AMHR2: variants seen among roughly 807,000 people sequenced by gnomAD.
The protein encoded by AMHR2 is anti-Muellerian hormone type-2 receptor.
Under a neutral mutation model 61.4 loss-of-function variants are expected in AMHR2, and 36 were observed. That is an observed-to-expected ratio of 0.59 (90% confidence interval 0.45 to 0.77). The LOEUF is 0.77. AMHR2 is among the 30% of genes least tolerant of loss of function. The pLI is 0.00. For synonymous variants in AMHR2, 258 were observed against 279.4 expected (o/e 0.92, Z 0.76); for missense variants, 638 against 714.6 (o/e 0.89, Z 1.22).
intron 7 of AMHR2, 44 bp downstream of exon 7, chr12:53,429,054 T>C (rs1011076117): frequency 3.4e-6 from 5 of 1,474,306 alleles, no homozygotes; most frequent in Non-Finnish European, 3.7e-6. Flanking sequence ...CACAGTGCTA[T>C]GTTTGTGATT....
Position 53,431,594 on chromosome 12 carries a change from TC to T in AMHR2, c.*123del. 1 of 1,290,212 alleles carries T rather than the reference TC, an allele frequency of 7.8e-7. No homozygotes were observed. The highest frequency in any genetic ancestry group is 1.1e-6 in the Non-Finnish European group (1 of 907,226). The allele number at this position is 1,290,212 out of a possible 1,614,324, so 79.9% of individuals were successfully genotyped here. The stretch of plus-strand genomic sequence containing the variant: ...GAATCCTTGGATTCTTCTGCGGGCA[TC>T]CAGTCCACATCAGTTCTGACCAGTG... On this transcript the variant is annotated 3_prime_UTR_variant, in exon 11 of 11. Coordinates refer to ENST00000257863, the MANE Select transcript of AMHR2 (RefSeq NM_020547.3).
Position 53,424,886 on chromosome 12 carries a change from C to A in AMHR2, c.410C>A (p.Pro137His), listed in dbSNP as rs929791810. 2.5e-6 allele frequency: 4 copies of A among 1,611,342 alleles called. No homozygotes were observed. Among genetic ancestry groups the A allele is most frequent in the Non-Finnish European group, 3.4e-6 (4 of 1,179,904 alleles). ...CCTGGGACTCCTGGCTCCCAGGGTC[C>A]CCAGGCTGCCCCAGGTAGCCACCCA... is the stretch of plus-strand genomic sequence containing the variant. Reference protein sequence around the residue: ...GSPGTPGSQGPQAAPGESIWM... With the variant: ...GSPGTPGSQGHQAAPGESIWM... The change falls in exon 3 of 11, where the codon CCC becomes CAC. Residue 137 changes from proline (P) to histidine (H), a missense_variant. Coordinates refer to ENST00000257863, the MANE Select transcript of AMHR2 (RefSeq NM_020547.3).
intron 7 of AMHR2, 77 bp downstream of exon 7, chr12:53,429,087 G>A (rs1939873057): frequency 7.4e-7 from 1 of 1,348,002 alleles, no homozygotes; most frequent in Non-Finnish European, 1.0e-6. Flanking sequence ...GGAGGGGAAA[G>A]ATTGGGTCAA....
chr12:53,426,949 C>T (rs1939651706), intron 6 of AMHR2, among the ~76,000 whole-genome samples: 1 of 133,752 alleles, frequency 7.5e-6, no homozygotes, highest in South Asian at 2.3e-4. Flanking sequence ...CCCCAAAGTG[C>T]TGGGATTACA....
At chr12:53,430,994 C>CTCCCT in intron 10 of AMHR2, 183 bp from the exon 11 acceptor site, 1 of 739,664 alleles carries the variant, frequency 1.4e-6, no homozygotes, top group Non-Finnish European at 2.3e-6. Context: ...CCCAGAGAGC[C>CTCCCT]TGTTTCATAG....
Position 53,424,402 on chromosome 12 carries a change from G to C in AMHR2, c.164G>C (p.Cys55Ser). The C allele has an allele frequency of 6.2e-7, 1 of 1,613,616 alleles. No homozygotes were observed. The highest frequency in any genetic ancestry group is 8.5e-7 in the Non-Finnish European group (1 of 1,179,914). ...ACAGAGCTCCCCAGAGCTATCCGCTGCCTCTACAGCCGCTGCTGCTTTGGG... is the reference window on the plus strand; with the variant it reads ...ACAGAGCTCCCCAGAGCTATCCGCTCCCTCTACAGCCGCTGCTGCTTTGGG... ...TGTELPRAIR[C>S]LYSRCCFGIW... The change falls in exon 2 of 11, where the codon TGC becomes TCC. Residue 55 changes from cysteine (C) to serine (S), a missense_variant. Transcript: ENST00000257863.
intron 6 of AMHR2, among the ~76,000 whole-genome samples, chr12:53,428,516 T>G (rs557476464): frequency 2.6e-5 from 4 of 152,276 alleles, no homozygotes; most frequent in Admixed American, 1.3e-4. Context: ...GTCAGACTGC[T>G]TGGATTCAAG....
At chr12:53,427,335 C>A (rs1441635283) in intron 6 of AMHR2, among the ~76,000 whole-genome samples, 1 of 152,210 alleles carries the variant, frequency 6.6e-6, no homozygotes, top group Non-Finnish European at 1.5e-5. Context: ...ATATTTGGGG[C>A]TTTTTAAGTT....
At chr12:53,430,954 C>T (rs1243165011) in intron 10 of AMHR2, 3 of 608,196 alleles carry the variant, frequency 4.9e-6, no homozygotes, top group African/African-American at 3.7e-5. Context: ...ATTAGCTCCT[C>T]AGAGGAAACA....
intron 3 of AMHR2, 53 bp downstream of exon 3, chr12:53,424,953 T>C: frequency 6.3e-7 from 1 of 1,583,076 alleles, no homozygotes; most frequent in Non-Finnish European, 8.6e-7. Flanking sequence ...CAGGTTAGGA[T>C]GAGAGGTGGA....
chr12:53,429,783 A>T (rs750823856), intron 8 of AMHR2, 48 bp from the exon 9 acceptor site: 3 of 1,613,482 alleles, frequency 1.9e-6, no homozygotes, highest in Non-Finnish European at 2.5e-6. Context: ...TGCTGCAATG[A>T]GGATTGCCAC....
rs765319264 is a variant in AMHR2 at position 53,425,157 on chromosome 12, A to C, written c.425-8A>C. 2 of 1,613,724 alleles carry C rather than the reference A, an allele frequency of 1.2e-6. No individual in the cohort carries two copies. The highest frequency in any genetic ancestry group is 3.3e-5 in the Admixed American group (2 of 60,014). On this transcript the variant is annotated splice_polypyrimidine_tract_variant and splice_region_variant and intron_variant, in intron 3 of 10. Coordinates refer to ENST00000257863, the MANE Select transcript of AMHR2 (RefSeq NM_020547.3). ...CTCTCCAGCCTGCATTCTTGCCTTG[A>C]TGTCCAGGTGAGTCCATCTGGATGG...
At chr12:53,424,095 G>C (rs1006615990) in intron 1 of AMHR2, 112 bp downstream of exon 1, 3 of 1,405,688 alleles carry the variant, frequency 2.1e-6, no homozygotes, top group Non-Finnish European at 3.0e-6. Flanking sequence ...GGGTGAGTAA[G>C]GGTGAAGGAT....
intron 2 of AMHR2, 79 bp from the exon 3 acceptor site, chr12:53,424,629 TA>T (rs1939374457): frequency 2.0e-6 from 3 of 1,536,836 alleles, no homozygotes; most frequent in Non-Finnish European, 2.7e-6. Context: ...AGAAGGGATT[TA>T]CCCTCTGTTT....
chr12:53,425,256 C>T lies in AMHR2; in HGVS notation c.502+14C>T, dbSNP rs776912101. ...GCATCATCTTGGGTACTAATCCACC[C>T]CATCCCTCCCTTGTGACCCCAAGAC... is the stretch of plus-strand genomic sequence containing the variant. On this transcript the variant is annotated intron_variant, in intron 4 of 10. Coordinates refer to ENST00000257863, the MANE Select transcript of AMHR2 (RefSeq NM_020547.3). The T allele has an allele frequency of 6.2e-7, 1 of 1,613,048 alleles. No individual in the cohort carries two copies. The highest frequency in any genetic ancestry group is 1.1e-5 in the South Asian group (1 of 91,072).
At position 53,430,225 on chromosome 12, in the gene AMHR2, G is replaced by A; in HGVS notation, c.1368G>A (p.Leu456=). The change falls in exon 10 of 11, where the codon TTG becomes TTA. Residue 456 remains leucine, a synonymous_variant. Coordinates refer to ENST00000257863, the MANE Select transcript of AMHR2 (RefSeq NM_020547.3). ...NTPTSDELWA[L]AVQERRRPYI... The stretch of plus-strand genomic sequence containing the variant: ...CTACCTCTGATGAGCTATGGGCCTT[G>A]GCAGTGCAGGAGAGGAGGCGTCCCT... 6.2e-7 allele frequency: 1 copy of A among 1,614,202 alleles called. No homozygotes were observed. Among genetic ancestry groups the A allele is most frequent in the Non-Finnish European group, 8.5e-7 (1 of 1,180,038 alleles).
Position 53,430,279 on chromosome 12 carries a change from C to T in AMHR2, c.1422C>T (p.Ala474=). 1 of 1,614,166 alleles carries T rather than the reference C, an allele frequency of 6.2e-7. No individual in the cohort carries two copies. The highest frequency in any genetic ancestry group is 1.1e-5 in the South Asian group (1 of 91,080). The change falls in exon 10 of 11, where the codon GCC becomes GCT. Residue 474 remains alanine, a synonymous_variant. Coordinates refer to ENST00000257863, the MANE Select transcript of AMHR2 (RefSeq NM_020547.3). ...PYIPSTWRCF[A]TDPDGLRELL... ...TCCCATCCACCTGGCGCTGCTTTGC[C>T]ACAGTAAGAGGCCTAGGCTGTTGGT...
Position 53,429,438 on chromosome 12 carries a change from T to G in AMHR2, c.968-15T>G. ...AAGAAAATCCATGTTCCTTCAACCT[T>G]GGATTCCCCCACAGGCCAATATAAA... On this transcript the variant is annotated splice_polypyrimidine_tract_variant and intron_variant, in intron 7 of 10. Transcript: ENST00000257863. The G allele has an allele frequency of 6.2e-7, 1 of 1,608,062 alleles. No homozygotes were observed. Among genetic ancestry groups the G allele is most frequent in the Non-Finnish European group, 8.5e-7 (1 of 1,179,268 alleles).
In AMHR2 at chr12:53,425,685, G is replaced by A. The variant is rs1467746315; in HGVS notation, c.622-4G>A. 3 of 1,613,954 alleles carry A rather than the reference G, an allele frequency of 1.9e-6. No homozygotes were observed. Among genetic ancestry groups the A allele is most frequent in the Non-Finnish European group, 1.7e-6 (2 of 1,179,992 alleles). On this transcript the variant is annotated splice_region_variant and splice_polypyrimidine_tract_variant and intron_variant, in intron 5 of 10. Transcript: ENST00000257863. ...GCCCACACTCAGCACAGTGTCCCCA[G>A]CAGGTAATCCGGGAAGGAGGTCATG...
Sources: allele counts gnomAD v4.1 joint callset (sites outside exome capture counted in the v4.1 genomes callset), GRCh38; gene constraint gnomAD v4.1.1; transcripts MANE v1.5; gene names NCBI Gene and HGNC (gene_info 2026-07-23, HGNC 2026-07-21).